The following FKBP1B variants were observed in gnomAD, a reference collection of about 807,000 sequenced individuals.
The protein encoded by FKBP1B is FKBP prolyl isomerase 1B.
A neutral mutation model predicts 13.5 loss-of-function variants in FKBP1B; 4 were observed. That is an observed-to-expected ratio of 0.30 (90% CI 0.15 to 0.68). The LOEUF (loss-of-function observed/expected upper bound fraction) is 0.68. Among genes scored for constraint, FKBP1B ranks in the 30% least tolerant of loss-of-function variants. The pLI is 0.76. For synonymous variants in FKBP1B, 54 were observed against 53.6 expected (o/e 1.01, Z -0.03); for missense variants, 93 against 136.2 (o/e 0.68, Z 1.58).
chr2:24,042,218 G>A, the FKBP1B span, among the ~76,000 whole-genome samples: 4 of 151,732 alleles, frequency 2.6e-5, no homozygotes, highest in East Asian at 1.9e-4. Context: ...CCTGACCAAC[G>A]TGGAGAAACC....
intron 1 of FKBP1B, among the ~76,000 whole-genome samples, chr2:24,052,021 A>T (rs1170639190): frequency 6.6e-6 from 1 of 152,202 alleles, no homozygotes; most frequent in Non-Finnish European, 1.5e-5. Context: ...TAGTTGCACT[A>T]TTCATCCAGT....
rs1414221358 is a variant in FKBP1B at position 24,053,917 on chromosome 2, A to G, written c.53A>G (p.Lys18Arg). 2 of 1,614,166 alleles carry G rather than the reference A, an allele frequency of 1.2e-6. No homozygotes were observed. Among genetic ancestry groups the G allele is most frequent in the Non-Finnish European group, 1.7e-6 (2 of 1,180,000 alleles). Reference sequence around the variant, plus strand: ...CTCCCTGCAGGAAGGACATTCCCCAAGAAGGGCCAAACGTGTGTGGTGCAC... The same window carrying G: ...CTCCCTGCAGGAAGGACATTCCCCAGGAAGGGCCAAACGTGTGTGGTGCAC... ...ISPGDGRTFP[K>R]KGQTCVVHYT... Residue 18 changes from lysine to arginine, a missense_variant, in exon 2 of 4, where the codon AAG becomes AGG. Coordinates refer to ENST00000380986, the MANE Select transcript of FKBP1B (RefSeq NM_004116.5).
chr2:24,057,178 AT>A (rs902893375), intron 2 of FKBP1B, among the ~76,000 whole-genome samples: 1 of 150,724 alleles, frequency 6.6e-6, no homozygotes, highest in Non-Finnish European at 1.5e-5. Context: ...TCTTTTTAAA[AT>A]TTTTTTCTTT....
At chr2:24,039,207 C>T in the FKBP1B span, 7 of 1,614,258 alleles carry the variant, frequency 4.3e-6, no homozygotes, top group South Asian at 2.2e-5. Context: ...ATTTGCTTGA[C>T]TCCATAGGGC....
the FKBP1B span, among the ~76,000 whole-genome samples, chr2:24,042,844 A>C: frequency 6.6e-6 from 1 of 151,032 alleles, no homozygotes; most frequent in Non-Finnish European, 1.5e-5. Context: ...GACCAGCCTG[A>C]CCAACATGGA....
the FKBP1B span, among the ~76,000 whole-genome samples, chr2:24,041,560 A>G: frequency 6.6e-6 from 1 of 152,008 alleles, no homozygotes; most frequent in African/African-American, 2.4e-5. Context: ...CATAGGCATG[A>G]GCCACCCAGC....
upstream of FKBP1B, among the ~76,000 whole-genome samples, chr2:24,044,882 T>G (rs536631655): frequency 1.2e-4 from 18 of 150,990 alleles, no homozygotes; most frequent in African/African-American, 4.1e-4. Flanking sequence ...TAAACACCCT[T>G]GATGAATCCC....
At chr2:24,037,347 G>A in the FKBP1B span, among the ~76,000 whole-genome samples, 1 of 152,210 alleles carries the variant, frequency 6.6e-6, no homozygotes, top group Admixed American at 6.5e-5. Flanking sequence ...ATAACTGGAG[G>A]AGTATCTCTA....
the FKBP1B span, among the ~76,000 whole-genome samples, chr2:24,034,794 C>T: frequency 1.3e-5 from 2 of 151,860 alleles, no homozygotes; most frequent in African/African-American, 2.4e-5. Flanking sequence ...AGGCTGGTCT[C>T]GAACTCCTGG....
At position 24,060,821 on chromosome 2, in the gene FKBP1B, C is replaced by G. The variant is rs1391127111; in HGVS notation, c.93C>G (p.Leu31=). 6.2e-7 allele frequency: 1 copy of G among 1,613,710 alleles called. No individual in the cohort carries two copies. Among genetic ancestry groups the G allele is most frequent in the Non-Finnish European group, 8.5e-7 (1 of 1,179,762 alleles). Residue 31 remains leucine, a synonymous_variant, in exon 3 of 4, where the codon CTC becomes CTG. Coordinates refer to ENST00000380986, the MANE Select transcript of FKBP1B (RefSeq NM_004116.5). ...CGATTCTTGCTTTGACAGGAATGCT[C>G]CAAAATGGGAAGAAGTTTGATTCAT... ...QTCVVHYTGM[L]QNGKKFDSSR...
chr2:24,049,584 C>T (rs1663745880), upstream of FKBP1B: 1 of 350,300 alleles, frequency 2.9e-6, no homozygotes, highest in African/African-American at 2.1e-5. Context: ...TTAATGTCGT[C>T]AGGCGGGGCC....
intron 2 of FKBP1B, among the ~76,000 whole-genome samples, chr2:24,057,260 A>T (rs1664168913): frequency 6.6e-6 from 1 of 151,400 alleles, no homozygotes; most frequent in Non-Finnish European, 1.5e-5. Context: ...GTCTTCAGGG[A>T]TCATGGCTCA....
the FKBP1B span, chr2:24,037,532 G>A: frequency 1.1e-6 from 1 of 887,976 alleles, no homozygotes; most frequent in Non-Finnish European, 1.7e-6. Context: ...ACCTGCAAAG[G>A]TGTACCAACT....
chr2:24,040,151 C>T, the FKBP1B span, among the ~76,000 whole-genome samples: 1 of 152,030 alleles, frequency 6.6e-6, no homozygotes, highest in African/African-American at 2.4e-5. Context: ...TTATGCAGGA[C>T]AAGGTCCTTA....
intron 2 of FKBP1B, 170 bp downstream of exon 2, chr2:24,054,119 T>C: frequency 1.4e-6 from 1 of 734,302 alleles, no homozygotes. Flanking sequence ...CTAGTGGGAA[T>C]GATAAAGGAG....
chr2:24,047,209 C>G (rs1385088469), upstream of FKBP1B: 2 of 152,470 alleles, frequency 1.3e-5, no homozygotes, highest in Non-Finnish European at 2.9e-5. Flanking sequence ...ACGCCTGAAT[C>G]TCCTCCTTCC....
intron 1 of FKBP1B, among the ~76,000 whole-genome samples, chr2:24,051,111 G>A (rs1398644010): frequency 6.6e-6 from 1 of 152,096 alleles, no homozygotes. Context: ...TGAGGCGGGC[G>A]GATCACAAGG....
intron 2 of FKBP1B, among the ~76,000 whole-genome samples, chr2:24,057,770 G>T (rs1664202326): frequency 6.6e-6 from 1 of 152,036 alleles, no homozygotes; most frequent in Non-Finnish European, 1.5e-5. Flanking sequence ...TCCTACCTTG[G>T]CCTCCCAAAG....
upstream of FKBP1B, among the ~76,000 whole-genome samples, chr2:24,048,575 C>T (rs376933958): frequency 6.6e-5 from 10 of 151,756 alleles, no homozygotes; most frequent in East Asian, 1.5e-3. Flanking sequence ...GCCTCGGTCT[C>T]CTACAGTGTT....
Sources: gnomAD v4.1 joint callset for allele counts (sites outside exome capture counted in the v4.1 genomes callset) on GRCh38, gnomAD v4.1.1 for gene constraint, MANE v1.5 for transcripts, NCBI Gene and HGNC (gene_info 2026-07-23, HGNC 2026-07-21) for gene names.